ZNRF3: variants seen among roughly 807,000 people sequenced by gnomAD.
The protein encoded by ZNRF3 is zinc and ring finger 3, also known as E3 ubiquitin-protein ligase ZNRF3.
In ZNRF3, 23 loss-of-function variants were observed where a neutral mutation model predicts 72.5. That is an observed-to-expected ratio of 0.32 (90% CI 0.23 to 0.45). The LOEUF (loss-of-function observed/expected upper bound fraction) is 0.45. Ranked by LOEUF, ZNRF3 falls within the 20% of genes least tolerant of loss-of-function variation. The pLI, the probability that ZNRF3 is intolerant of heterozygous loss-of-function variation, is 1.00. For missense variants in ZNRF3, 1,169 were observed against 1,272.1 expected (o/e 0.92, Z 1.23); for synonymous variants, 610 against 545.3 (o/e 1.12, Z -1.65).
chr22:28,891,074 T>A (rs2033877832), intron 1 of ZNRF3, among the ~76,000 whole-genome samples: 1 of 152,184 alleles, frequency 6.6e-6, no homozygotes, highest in Non-Finnish European at 1.5e-5. Flanking sequence ...TGCTTCTTGA[T>A]GGTATTTTCC....
rs756885920 is a variant in ZNRF3, at chr22:29,043,306, A to G, written c.509A>G (p.Gln170Arg). ...CCCTCTCTTCTTCCTTAGCTGAACC[A>G]GGGCTCTGAAGACCCGCTCAAGAGG... Reference protein sequence around the residue: ...ENPEAIDQLNQGSEDPLKRPV... With the variant: ...ENPEAIDQLNRGSEDPLKRPV... The change falls in exon 4 of 9, where the codon CAG (glutamine) becomes CGG (arginine). Residue 170 changes from glutamine to arginine, a missense_variant. Gln to Arg is a conservative substitution (Grantham distance 43). This residue lies in a region of ZNRF3 where 386 missense variants were observed against 540.7 expected (regional missense o/e 0.71). Transcript: ENST00000544604. 20 of 1,613,822 alleles carry G rather than the reference A, an allele frequency of 1.2e-5. No homozygotes were observed. The highest frequency in any genetic ancestry group is 1.5e-5 in the Non-Finnish European group (18 of 1,179,972).
chr22:28,931,595 G>A (rs1167752656), intron 1 of ZNRF3, among the ~76,000 whole-genome samples: 2 of 152,142 alleles, frequency 1.3e-5, no homozygotes, highest in Non-Finnish European at 2.9e-5. Context: ...AAACAAAGAG[G>A]CTACTACATT....
intron 1 of ZNRF3, among the ~76,000 whole-genome samples, chr22:28,939,064 C>T (rs555373887): frequency 3.3e-5 from 5 of 152,262 alleles, no homozygotes; most frequent in Admixed American, 6.5e-5. Context: ...GCTAGCAGAT[C>T]GCTTGAGGCC....
chr22:28,970,364 A>G (rs1036632062), intron 1 of ZNRF3, among the ~76,000 whole-genome samples: 1 of 152,218 alleles, frequency 6.6e-6, no homozygotes, highest in Non-Finnish European at 1.5e-5. Flanking sequence ...GGCTGATACT[A>G]AAAAGTGTCA....
At chr22:28,884,560 C>T (rs1291783358) in intron 1 of ZNRF3, among the ~76,000 whole-genome samples, 1 of 152,208 alleles carries the variant, frequency 6.6e-6, no homozygotes, top group Non-Finnish European at 1.5e-5. Flanking sequence ...GTCCGCCTCA[C>T]CTGGGCGCCG....
chr22:28,893,500 CTT>C (rs796094872), intron 1 of ZNRF3, among the ~76,000 whole-genome samples: 9 of 141,812 alleles, frequency 6.3e-5, no homozygotes, highest in Admixed American at 1.4e-4. Context: ...CTTTCTTTTT[CTT>C]TTTTTTTTTT....
At chr22:29,021,386 A>G (rs969370367) in intron 2 of ZNRF3, among the ~76,000 whole-genome samples, 5 of 152,158 alleles carry the variant, frequency 3.3e-5, no homozygotes, top group Admixed American at 2.6e-4. Context: ...ATGCATTCAC[A>G]TGGTGAAAGG....
At chr22:28,911,889 T>C (rs1203210810) in intron 1 of ZNRF3, among the ~76,000 whole-genome samples, 1 of 152,100 alleles carries the variant, frequency 6.6e-6, no homozygotes, top group Non-Finnish European at 1.5e-5. Context: ...GTTTAGACAT[T>C]TCTGGTTATT....
intron 1 of ZNRF3, among the ~76,000 whole-genome samples, chr22:28,885,488 GATTCCTAA>G (rs2033764735): frequency 6.7e-6 from 1 of 150,204 alleles, no homozygotes; most frequent in Admixed American, 6.7e-5. Flanking sequence ...CTTTGCTGAA[GATTCCTAA>G]ACATTTAAGT....
At chr22:28,925,580 C>G (rs1397610101) in intron 1 of ZNRF3, among the ~76,000 whole-genome samples, 1 of 152,128 alleles carries the variant, frequency 6.6e-6, no homozygotes, top group Non-Finnish European at 1.5e-5. Flanking sequence ...TTGTGAATTT[C>G]AAGCATGCAG....
At chr22:28,954,523 C>T (rs567125071) in intron 1 of ZNRF3, among the ~76,000 whole-genome samples, 1 of 152,296 alleles carries the variant, frequency 6.6e-6, no homozygotes, top group Admixed American at 6.5e-5. Flanking sequence ...ATTCAGTCCA[C>T]AGCAGTCATT....
intron 1 of ZNRF3, among the ~76,000 whole-genome samples, chr22:28,964,187 G>A (rs759497328): frequency 6.6e-6 from 1 of 152,190 alleles, no homozygotes; most frequent in Non-Finnish European, 1.5e-5. Context: ...GCGGCTCTAA[G>A]TTCACATACC....
chr22:28,893,472 G>C (rs890248934), intron 1 of ZNRF3, among the ~76,000 whole-genome samples: 1 of 151,820 alleles, frequency 6.6e-6, no homozygotes, highest in African/African-American at 2.4e-5. Context: ...CACCGTGCCA[G>C]CATTGGTAAT....
chr22:29,033,222 A>G (rs759264490), intron 2 of ZNRF3, among the ~76,000 whole-genome samples: 1 of 152,078 alleles, frequency 6.6e-6, no homozygotes, highest in Admixed American at 6.5e-5. Flanking sequence ...ATGATGGTGC[A>G]CACCTGTAAT....
chr22:28,922,621 G>T (rs2034529881), intron 1 of ZNRF3, among the ~76,000 whole-genome samples: 1 of 152,140 alleles, frequency 6.6e-6, no homozygotes, highest in African/African-American at 2.4e-5. Flanking sequence ...CCCAAAGGTG[G>T]ATCCACCTGT....
At chr22:29,046,950 C>T (rs1007098615) in intron 6 of ZNRF3, 67 bp downstream of exon 6, 2 of 1,384,428 alleles carry the variant, frequency 1.4e-6, no homozygotes, top group African/African-American at 2.9e-5. Flanking sequence ...GTGCCCAAGA[C>T]CTAGAAGGAC....
chr22:28,954,611 T>C (rs2035222997), intron 1 of ZNRF3, among the ~76,000 whole-genome samples: 2 of 152,200 alleles, frequency 1.3e-5, no homozygotes, highest in South Asian at 4.1e-4. Context: ...ATGCTTTTCT[T>C]GTTTTTGTAT....
At chr22:29,003,547 C>T (rs1029308830) in intron 2 of ZNRF3, among the ~76,000 whole-genome samples, 6 of 151,086 alleles carry the variant, frequency 4.0e-5, no homozygotes, top group African/African-American at 1.5e-4. Context: ...TTGATGTGCA[C>T]GCATCTCTTA....
At position 28,937,174 on chromosome 22, in the gene ZNRF3, A is replaced by ATAT. The variant is rs1555970638; in HGVS notation, c.301-49902_301-49901insTAT. On this transcript the variant is annotated intron_variant, in intron 1 of 8. Transcript: ENST00000544604. Reference sequence around the variant, plus strand: ...CGCTGCCAACCTACTTCTCTCTTATAATATATATATATATATATATATATA... The same window carrying ATAT: ...CGCTGCCAACCTACTTCTCTCTTATATATATATATATATATATATATATATATA... Among the ~76,000 whole-genome samples, 90 of 78,706 alleles carry ATAT rather than the reference A, an allele frequency of 1.1e-3. 3 individuals are homozygous for ATAT. Among genetic ancestry groups the ATAT allele is most frequent in the African/African-American group, 5.5e-3 (85 of 15,320 alleles). The allele number at this position is 78,706 out of a possible 152,430, so 51.6% of individuals were successfully genotyped here.
Sources: gnomAD v4.1 joint callset for allele counts (sites outside exome capture counted in the v4.1 genomes callset) on GRCh38, gnomAD v4.1.1 for gene constraint, gnomAD v4.1.1 regional missense constraint, MANE v1.5 for transcripts, NCBI Gene and HGNC (gene_info 2026-07-23, HGNC 2026-07-21) for gene names.